Variants in DNAH8 observed in about 807,000 individuals in gnomAD.
DNAH8 encodes the protein axonemal beta dynein heavy chain 8.
Under a neutral mutation model 562.1 loss-of-function variants are expected in DNAH8, and 382 were observed. The observed-to-expected ratio is 0.68, with a 90% confidence interval of 0.63 to 0.74. DNAH8 has a LOEUF of 0.74. DNAH8 is among the 30% of genes least tolerant of loss of function. The pLI, the probability that DNAH8 is intolerant of heterozygous loss-of-function variation, is 0.00. For synonymous variants in DNAH8, 1,881 were observed against 1,919.4 expected, an observed-to-expected ratio of 0.98 and a Z score of 0.52; for missense variants, 5,203 against 5,620.4, an observed-to-expected ratio of 0.93 and a Z score of 2.37.
intron 80 of DNAH8, among the ~76,000 whole-genome samples, chr6:38,947,750 C>T (rs1321170489): frequency 6.8e-6 from 1 of 146,790 alleles, no homozygotes; most frequent in African/African-American, 2.5e-5. Context: ...AAATCCTCTT[C>T]TTTTTTTTTT....
rs1678661 is a variant in DNAH8, at chr6:38,779,805, C to T, written c.2040-161C>T. Among the ~76,000 whole-genome samples, 88,957 of 152,128 alleles carry T rather than the reference C, an allele frequency of 0.58. 26,732 individuals are homozygous for T. Among genetic ancestry groups the T allele is most frequent in the East Asian group, 0.82 (4,267 of 5,182 alleles). ...AGATAATTGTGGGTTCCAAGAGAAC[C>T]AGGACTGTACCTCCTATCTCGTTCA... On this transcript the variant is annotated intron_variant, in intron 14 of 92. Transcript: ENST00000327475.
intron 85 of DNAH8, 100 bp downstream of exon 85, chr6:38,974,629 G>A: frequency 1.1e-6 from 1 of 886,612 alleles, no homozygotes; most frequent in Middle Eastern, 2.3e-4. Flanking sequence ...TTGCCGCTCT[G>A]TCTCCTTACT....
chr6:38,883,947 T>A lies in DNAH8; in HGVS notation c.8208T>A (p.Thr2736=). ...GGCCACCAGGAGGGAGAAAAATGAC[T>A]GTATTTATTGATGATATTAATATGC... ...TYGPPGGRKM[T]VFIDDINMPV... is the part of the protein sequence containing the mutation. The change falls in exon 56 of 93, where the codon ACT becomes ACA. Residue 2736 remains threonine (T), a synonymous_variant. Coordinates refer to ENST00000327475, the MANE Select transcript of DNAH8 (RefSeq NM_001206927.2). 1.3e-6 allele frequency: 2 copies of A among 1,589,062 alleles called. No individual in the cohort carries two copies. Among genetic ancestry groups the A allele is most frequent in the Non-Finnish European group, 1.7e-6 (2 of 1,166,196 alleles).
intron 82 of DNAH8, among the ~76,000 whole-genome samples, chr6:38,959,935 A>G (rs1762500385): frequency 1.3e-5 from 2 of 152,128 alleles, no homozygotes; most frequent in East Asian, 1.9e-4. Flanking sequence ...CCAATGGAGC[A>G]GAATAGAGAA....
At chr6:38,992,158 G>C (rs1042337382) in intron 88 of DNAH8, among the ~76,000 whole-genome samples, 1 of 152,124 alleles carries the variant, frequency 6.6e-6, no homozygotes, top group Non-Finnish European at 1.5e-5. Flanking sequence ...GTAGAGACAG[G>C]GTTTCTCCAT....
intron 11 of DNAH8, 85 bp from the exon 12 acceptor site, chr6:38,770,328 C>G: frequency 1.3e-6 from 1 of 797,448 alleles, no homozygotes; most frequent in South Asian, 1.9e-5. Flanking sequence ...TTGATCAGTT[C>G]TGTGTGAGGG....
chr6:38,940,663 C>T (rs961003948), intron 79 of DNAH8, among the ~76,000 whole-genome samples: 12 of 152,134 alleles, frequency 7.9e-5, no homozygotes, highest in African/African-American at 2.2e-4. Context: ...ATGTCACTTA[C>T]GCTCCTATTT....
intron 66 of DNAH8, 39 bp downstream of exon 66, chr6:38,911,625 G>A (rs1231247473): frequency 1.5e-6 from 2 of 1,333,232 alleles, no homozygotes; most frequent in Non-Finnish European, 1.1e-6. Context: ...AATAGAAATA[G>A]GGTTTATTTG....
At chr6:38,886,680 C>A in intron 56 of DNAH8, 111 bp from the exon 57 acceptor site, 1 of 855,314 alleles carries the variant, frequency 1.2e-6, no homozygotes, top group Non-Finnish European at 1.9e-6. Flanking sequence ...ACAAACACTT[C>A]ATTGATAAGA....
intron 32 of DNAH8, among the ~76,000 whole-genome samples, chr6:38,836,256 A>G (rs1381980148): frequency 6.6e-6 from 1 of 152,072 alleles, no homozygotes; most frequent in African/African-American, 2.4e-5. Flanking sequence ...AGCAACTGGG[A>G]CATTATGTGC....
chr6:38,830,800 AAAACTG>A lies in DNAH8; in HGVS notation c.4189-1519_4189-1514del, dbSNP rs1481553470. Reference sequence around the variant, plus strand: ...GCAAGACATAACAGCAAGGAGACACAAAACTGAAGCTGAGGTCACAGCTTGTGACTA... The same window carrying A: ...GCAAGACATAACAGCAAGGAGACACAAAGCTGAGGTCACAGCTTGTGACTA... On this transcript the variant is annotated intron_variant, in intron 30 of 92. Coordinates refer to ENST00000327475, the MANE Select transcript of DNAH8 (RefSeq NM_001206927.2). Among the ~76,000 whole-genome samples the A allele has an allele frequency of 4.6e-5, 7 of 152,322 alleles. No individual in the cohort carries two copies. The East Asian group carries it at 1.3e-3, about 29-fold the overall frequency.
chr6:38,918,062 G>A lies in DNAH8; in HGVS notation c.10446G>A (p.Gly3482=), dbSNP rs768779771. ...TTGAAAGTGCCAAAAAAGTCTGTGG[G>A]AATGTGGCTGGTCTCCTGTCTTGGA... is the stretch of plus-strand genomic sequence containing the variant. ...YTFESAKKVC[G]NVAGLLSWTL... Residue 3482 remains glycine (G), a synonymous_variant, in exon 70 of 93, where the codon GGG becomes GGA. Coordinates refer to ENST00000327475, the MANE Select transcript of DNAH8 (RefSeq NM_001206927.2). 3 of 1,613,852 alleles carry A rather than the reference G, an allele frequency of 1.9e-6. No homozygotes were observed. Among genetic ancestry groups the A allele is most frequent in the South Asian group, 2.2e-5 (2 of 91,058 alleles).
At chr6:38,734,447 C>A (rs755171230) in intron 4 of DNAH8, 27 bp from the exon 5 acceptor site, 84 of 1,596,076 alleles carry the variant, frequency 5.3e-5, no homozygotes, top group Non-Finnish European at 6.9e-5. Flanking sequence ...TGTGATTATA[C>A]GCTAAGTTCT....
chr6:38,807,763 G>T (rs756065863), intron 24 of DNAH8, 47 bp downstream of exon 24: 4 of 1,003,078 alleles, frequency 4.0e-6, no homozygotes, highest in South Asian at 2.3e-5. Flanking sequence ...TACTTATAAT[G>T]TGAATAGCAC....
chr6:38,749,002 G>T (rs769350902), intron 8 of DNAH8, among the ~76,000 whole-genome samples: 2 of 151,980 alleles, frequency 1.3e-5, no homozygotes, highest in African/African-American at 2.4e-5. Context: ...GCATTGACCA[G>T]ATCACACTGA....
intron 36 of DNAH8, among the ~76,000 whole-genome samples, chr6:38,846,201 T>C (rs1775288799): frequency 1.3e-5 from 2 of 152,214 alleles, no homozygotes; most frequent in Non-Finnish European, 2.9e-5. Flanking sequence ...TACAGCAATC[T>C]ACCCATTAGG....
At chr6:38,748,552 A>G (rs541437249) in intron 8 of DNAH8, among the ~76,000 whole-genome samples, 11 of 152,102 alleles carry the variant, frequency 7.2e-5, no homozygotes, top group African/African-American at 2.2e-4. Context: ...TCTCTGACCA[A>G]TTCTCAAGCA....
intron 70 of DNAH8, among the ~76,000 whole-genome samples, chr6:38,918,794 C>G (rs1490104212): frequency 1.3e-5 from 2 of 152,072 alleles, no homozygotes. Context: ...CACTCAGATA[C>G]ACACTGCCTC....
intron 5 of DNAH8, 125 bp downstream of exon 5, chr6:38,734,750 G>T (rs933594982): frequency 9.6e-7 from 1 of 1,040,300 alleles, no homozygotes; most frequent in Non-Finnish European, 1.3e-6. Context: ...GAAAATAAAT[G>T]TATTCATATA....
Sources: gnomAD v4.1 joint callset for allele counts (sites outside exome capture counted in the v4.1 genomes callset) on GRCh38, gnomAD v4.1.1 for gene constraint, MANE v1.5 for transcripts, NCBI Gene and HGNC (gene_info 2026-07-23, HGNC 2026-07-21) for gene names.